METAP2: variants seen among roughly 807,000 people sequenced by gnomAD.
The protein encoded by METAP2 is methionyl aminopeptidase 2, also known as methionine aminopeptidase 2.
Under a neutral mutation model 59.4 loss-of-function variants are expected in METAP2, and 25 were observed. The observed-to-expected ratio is 0.42, with a 90% CI of 0.31 to 0.59. METAP2 has a LOEUF of 0.59. Among genes scored for constraint, METAP2 ranks in the 20% least tolerant of loss-of-function variants. The pLI is 0.16. For synonymous variants in METAP2, 214 were observed against 194.1 expected (o/e 1.10, Z -0.85); for missense variants, 366 against 581.2 (o/e 0.63, Z 3.81).
At chr12:95,512,712 A>T in intron 9 of METAP2, 89 bp from the exon 10 acceptor site, 1 of 744,130 alleles carries the variant, frequency 1.3e-6, no homozygotes, top group East Asian at 2.7e-5. Flanking sequence ...CTCTGTCTCA[A>T]AAAGAGAGAG....
At chr12:95,486,740 G>A (rs979601237) in intron 4 of METAP2, among the ~76,000 whole-genome samples, 1 of 152,010 alleles carries the variant, frequency 6.6e-6, no homozygotes, top group Non-Finnish European at 1.5e-5. Context: ...CAGGTGATCC[G>A]CCCACCTTGG....
chr12:95,494,652 A>G (rs760830952), intron 5 of METAP2, among the ~76,000 whole-genome samples: 64 of 152,280 alleles, frequency 4.2e-4, no homozygotes, highest in Non-Finnish European at 7.2e-4. Flanking sequence ...AATATACAAC[A>G]TGAACAAATA....
intron 4 of METAP2, among the ~76,000 whole-genome samples, chr12:95,488,511 C>CAAAAA (rs537119415): frequency 6.5e-5 from 5 of 76,560 alleles, no homozygotes; most frequent in African/African-American, 2.0e-4. Context: ...TTTGTCTCAC[C>CAAAAA]AAAAAAAAAA....
At chr12:95,495,686 C>G (rs2076271269) in intron 6 of METAP2, among the ~76,000 whole-genome samples, 1 of 152,086 alleles carries the variant, frequency 6.6e-6, no homozygotes, top group South Asian at 2.1e-4. Flanking sequence ...GTTACTATTT[C>G]TCATTTCCCT....
rs563473476 is a variant in METAP2, at chr12:95,489,532, T to A, written c.428+3551T>A. On this transcript the variant is annotated intron_variant, in intron 4 of 10. Coordinates refer to ENST00000323666, the MANE Select transcript of METAP2 (RefSeq NM_006838.4). ...CCAGTTTTGACTATTTGCAAATAGA[T>A]CAGATTCAGTATTCTTACAGATTTG... 9.8e-5 allele frequency among the ~76,000 whole-genome samples: 15 copies of A among 152,358 alleles called. No homozygotes were observed. In the East Asian group the frequency reaches 2.7e-3, roughly 27 times the overall value.
intron 7 of METAP2, among the ~76,000 whole-genome samples, chr12:95,501,093 C>A (rs1471623730): frequency 6.7e-6 from 1 of 148,932 alleles, no homozygotes; most frequent in African/African-American, 2.5e-5. Context: ...TTCACTGCAG[C>A]CTTGACCTAC....
chr12:95,501,758 T>C (rs2076317586), intron 7 of METAP2, among the ~76,000 whole-genome samples: 1 of 149,826 alleles, frequency 6.7e-6, no homozygotes, highest in African/African-American at 2.4e-5. Flanking sequence ...CCTTAAGTCA[T>C]GTGGAAAACA....
Position 95,514,234 on chromosome 12 carries a change from C to T in METAP2, c.*330C>T, listed in dbSNP as rs1004724944. The T allele has an allele frequency of 4.2e-6, 1 of 239,678 alleles. No individual in the cohort carries two copies. The highest frequency in any genetic ancestry group is 8.0e-6 in the Non-Finnish European group (1 of 125,504). The allele number at this position is 239,678 out of a possible 1,614,324, so 14.8% of individuals were successfully genotyped here. On this transcript the variant is annotated 3_prime_UTR_variant, in exon 11 of 11. Coordinates refer to ENST00000323666, the MANE Select transcript of METAP2 (RefSeq NM_006838.4). ...GGATATTTATATTGCCATATTCTTA[C>T]TTGAATGCTTTGAATGACTACATCC...
At chr12:95,482,971 A>C (rs1186639379) in intron 2 of METAP2, among the ~76,000 whole-genome samples, 1 of 151,894 alleles carries the variant, frequency 6.6e-6, no homozygotes, top group Non-Finnish European at 1.5e-5. Context: ...CTGGATTCCA[A>C]CTCCTTGGCT....
At chr12:95,485,387 T>C (rs1334862901) in intron 3 of METAP2, among the ~76,000 whole-genome samples, 1 of 152,204 alleles carries the variant, frequency 6.6e-6, no homozygotes, top group Non-Finnish European at 1.5e-5. Flanking sequence ...GAGTGATAAA[T>C]ACTTTGACAA....
intron 7 of METAP2, among the ~76,000 whole-genome samples, chr12:95,497,267 C>T (rs1351873546): frequency 1.3e-5 from 2 of 152,174 alleles, no homozygotes; most frequent in African/African-American, 4.8e-5. Flanking sequence ...TCCTCTTCTC[C>T]CCCTACCCTG....
chr12:95,494,974 G>C lies in METAP2; in HGVS notation c.608G>C (p.Cys203Ser). Residue 203 changes from cysteine (C) to serine (S), a missense_variant, in exon 6 of 11, where the codon TGT becomes TCT. Physicochemically the swap from Cys to Ser is moderately radical, Grantham distance 112 (BLOSUM62 -1). Transcript: ENST00000323666. ...MIEICEKLED[C>S]SRKLIKENGL... The stretch of plus-strand genomic sequence containing the variant: ...TGTTTTAGTGAAAAGTTGGAAGACT[G>C]TTCACGCAAGTTAATAAAAGAGAAT... The C allele has an allele frequency of 6.2e-7, 1 of 1,613,062 alleles. No homozygotes were observed. Among genetic ancestry groups the C allele is most frequent in the Non-Finnish European group, 8.5e-7 (1 of 1,179,540 alleles).
intron 7 of METAP2, among the ~76,000 whole-genome samples, chr12:95,496,941 C>T (rs1484760645): frequency 6.7e-6 from 1 of 150,292 alleles, no homozygotes; most frequent in Non-Finnish European, 1.5e-5. Context: ...ACTCCTGCCT[C>T]AGCCTCCCGA....
intron 7 of METAP2, among the ~76,000 whole-genome samples, chr12:95,503,649 T>A (rs1023309507): frequency 2.0e-5 from 3 of 152,046 alleles, no homozygotes; most frequent in African/African-American, 7.2e-5. Context: ...TTCTGCCCAC[T>A]CCCATACCCC....
At chr12:95,499,455 A>G (rs1237614424) in intron 7 of METAP2, among the ~76,000 whole-genome samples, 1 of 151,766 alleles carries the variant, frequency 6.6e-6, no homozygotes, top group African/African-American at 2.4e-5. Flanking sequence ...CACTGTTTTG[A>G]TTACTGTAGC....
chr12:95,495,757 A>G (rs779178531), intron 6 of METAP2, among the ~76,000 whole-genome samples: 2 of 152,104 alleles, frequency 1.3e-5, no homozygotes, highest in African/African-American at 2.4e-5. Flanking sequence ...CAGGGTGAGC[A>G]CTGAACTGGT....
chr12:95,474,811 C>G (rs1565772238), intron 1 of METAP2, among the ~76,000 whole-genome samples: 1 of 152,100 alleles, frequency 6.6e-6, no homozygotes, highest in Non-Finnish European at 1.5e-5. Flanking sequence ...CCCACTATCC[C>G]GTTTCACGTT....
intron 8 of METAP2, among the ~76,000 whole-genome samples, chr12:95,506,165 A>G (rs925791769): frequency 6.6e-6 from 1 of 151,642 alleles, no homozygotes; most frequent in Non-Finnish European, 1.5e-5. Context: ...TTGCAGCCCA[A>G]CCCCCTTGCT....
intron 8 of METAP2, among the ~76,000 whole-genome samples, chr12:95,504,457 T>C (rs1396106347): frequency 1.3e-5 from 2 of 152,228 alleles, no homozygotes; most frequent in Non-Finnish European, 2.9e-5. Context: ...TCTCTTGCCA[T>C]TGATGACTTC....
Sources: allele counts gnomAD v4.1 joint callset (sites outside exome capture counted in the v4.1 genomes callset), GRCh38; gene constraint gnomAD v4.1.1; transcripts MANE v1.5; gene names NCBI Gene and HGNC (gene_info 2026-07-23, HGNC 2026-07-21).